CPNE4: variants seen among roughly 807,000 people sequenced by gnomAD.
The protein encoded by CPNE4 is copine-4.
CPNE4 carries 25 observed loss-of-function variants against 67.9 expected under a neutral mutation model. The observed-to-expected ratio is 0.37, with a 90% CI of 0.27 to 0.51. The LOEUF is 0.51. Ranked by LOEUF, CPNE4 falls within the 20% of genes least tolerant of loss-of-function variation. The pLI, the probability that CPNE4 is intolerant of heterozygous loss-of-function variation, is 0.93. For synonymous variants in CPNE4, 242 were observed against 244.9 expected, an observed-to-expected ratio of 0.99 and a Z score of 0.11; for missense variants, 464 against 690.8, an observed-to-expected ratio of 0.67 and a Z score of 3.68.
At chr3:131,607,145 T>G (rs1317809272) in intron 7 of CPNE4, among the ~76,000 whole-genome samples, 1 of 151,734 alleles carries the variant, frequency 6.6e-6, no homozygotes, top group Non-Finnish European at 1.5e-5. Context: ...TTTGGGTGGA[T>G]CACTTTCCTG....
At chr3:131,933,894 G>C (rs1028544194) in intron 1 of CPNE4, among the ~76,000 whole-genome samples, 2 of 151,898 alleles carry the variant, frequency 1.3e-5, no homozygotes, top group Non-Finnish European at 2.9e-5. Context: ...TAAGGGATAA[G>C]GGAAATAAGA....
At chr3:131,837,133 G>A (rs1028255108) in intron 2 of CPNE4, among the ~76,000 whole-genome samples, 4 of 152,276 alleles carry the variant, frequency 2.6e-5, no homozygotes, top group Non-Finnish European at 5.9e-5. Context: ...TGGTGGGAAT[G>A]TAAAATGGTA....
chr3:131,959,943 T>C (rs11717906), intron 1 of CPNE4, among the ~76,000 whole-genome samples: 39,862 of 152,142 alleles, frequency 0.26, 5,615 homozygotes, highest in Non-Finnish European at 0.31. Context: ...AAAACGCTAC[T>C]GCAAATTTAA....
chr3:131,991,522 A>G (rs570721469), intron 1 of CPNE4, among the ~76,000 whole-genome samples: 4 of 136,136 alleles, frequency 2.9e-5, no homozygotes, highest in African/African-American at 9.8e-5. Context: ...CTTGAGAGAA[A>G]TGATTAGGAT....
chr3:131,729,275 G>T (rs1047149412), intron 2 of CPNE4, among the ~76,000 whole-genome samples: 3 of 152,094 alleles, frequency 2.0e-5, no homozygotes, highest in African/African-American at 4.8e-5. Context: ...TAAATATTTT[G>T]TCAATATTTA....
intron 2 of CPNE4, among the ~76,000 whole-genome samples, chr3:131,874,297 C>T (rs1000124632): frequency 1.3e-5 from 2 of 152,044 alleles, no homozygotes; most frequent in South Asian, 2.1e-4. Context: ...ACCATGTTAG[C>T]CAGGATGGTT....
chr3:131,868,020 AT>A (rs1338667800), intron 2 of CPNE4, among the ~76,000 whole-genome samples: 1 of 152,196 alleles, frequency 6.6e-6, no homozygotes, highest in Non-Finnish European at 1.5e-5. Context: ...CCCATAAAAT[AT>A]AGTAGTAATG....
chr3:132,021,562 A>G (rs1410239013), intron 1 of CPNE4, among the ~76,000 whole-genome samples: 3 of 152,222 alleles, frequency 2.0e-5, no homozygotes, highest in African/African-American at 7.2e-5. Flanking sequence ...TATATGGTGA[A>G]AGAAGCTATG....
chr3:131,631,897 C>CTT (rs72379879), intron 7 of CPNE4, among the ~76,000 whole-genome samples: 11,688 of 144,194 alleles, frequency 0.081, 941 homozygotes, highest in African/African-American at 0.19. Context: ...ACACTTTTTT[C>CTT]TTTTTTCTTT....
chr3:131,800,425 C>T (rs2084059380), intron 2 of CPNE4, among the ~76,000 whole-genome samples: 1 of 152,148 alleles, frequency 6.6e-6, no homozygotes, highest in Non-Finnish European at 1.5e-5. Context: ...GTGCATAACA[C>T]TAGAGTAACT....
chr3:131,869,495 C>A (rs2087104570), intron 2 of CPNE4, among the ~76,000 whole-genome samples: 1 of 152,140 alleles, frequency 6.6e-6, no homozygotes, highest in Non-Finnish European at 1.5e-5. Context: ...CTATGAACAG[C>A]AGAGATGGCT....
At chr3:131,807,853 C>T (rs188977927) in intron 2 of CPNE4, among the ~76,000 whole-genome samples, 186 of 151,858 alleles carry the variant, frequency 1.2e-3, no homozygotes, top group African/African-American at 4.2e-3. Flanking sequence ...GAATATTGCC[C>T]GTCTTATTTT....
intron 1 of CPNE4, among the ~76,000 whole-genome samples, chr3:132,025,758 T>C (rs544928828): frequency 1.1e-4 from 16 of 152,322 alleles, no homozygotes; most frequent in African/African-American, 3.8e-4. Context: ...TCTATATCTA[T>C]GAAAACTGAG....
chr3:131,615,008 G>T (rs1459295774), intron 7 of CPNE4, among the ~76,000 whole-genome samples: 3 of 152,108 alleles, frequency 2.0e-5, no homozygotes, highest in African/African-American at 7.2e-5. Context: ...ACTTTAGTAT[G>T]CACATAAATC....
intron 2 of CPNE4, among the ~76,000 whole-genome samples, chr3:131,848,057 C>G (rs559716673): frequency 6.6e-6 from 1 of 152,140 alleles, no homozygotes; most frequent in Non-Finnish European, 1.5e-5. Flanking sequence ...TGCTCATAGT[C>G]TGGGCCTTCT....
intron 7 of CPNE4, among the ~76,000 whole-genome samples, chr3:131,643,889 G>GT (rs2079598660): frequency 6.6e-6 from 1 of 152,112 alleles, no homozygotes; most frequent in South Asian, 2.1e-4. Context: ...CGCCACAATT[G>GT]TAAGTTTTCT....
intron 1 of CPNE4, among the ~76,000 whole-genome samples, chr3:132,029,553 C>T (rs912173769): frequency 1.3e-5 from 2 of 152,138 alleles, no homozygotes; most frequent in Admixed American, 6.5e-5. Context: ...CTTGCCCTGC[C>T]GTGGACCCCT....
chr3:131,862,209 T>C (rs1257233702), intron 2 of CPNE4, among the ~76,000 whole-genome samples: 1 of 152,238 alleles, frequency 6.6e-6, no homozygotes, highest in African/African-American at 2.4e-5. Context: ...TCTTGGTCTT[T>C]GATATCTCAA....
At chr3:131,783,516 A>C (rs1426474550) in intron 2 of CPNE4, among the ~76,000 whole-genome samples, 1 of 152,104 alleles carries the variant, frequency 6.6e-6, no homozygotes, top group African/African-American at 2.4e-5. Context: ...TCACAAAATG[A>C]AATTCCCAGC....
Sources: allele counts gnomAD v4.1 joint callset (sites outside exome capture counted in the v4.1 genomes callset), GRCh38; gene constraint gnomAD v4.1.1; transcripts MANE v1.5; gene names NCBI Gene and HGNC (gene_info 2026-07-23, HGNC 2026-07-21).